The following CMSS1 variants were observed in gnomAD, a reference collection of about 807,000 sequenced individuals.
The protein encoded by CMSS1 is protein CMSS1.
Under a neutral mutation model 43.5 loss-of-function variants are expected in CMSS1, and 33 were observed. The observed-to-expected ratio is 0.76, with a 90% CI of 0.57 to 1.01. The LOEUF (loss-of-function observed/expected upper bound fraction) is 1.01, where lower values mean the gene tolerates loss of function less well. CMSS1 is among the 50% of genes least tolerant of loss of function. CMSS1 has a pLI of 0.00. For synonymous variants in CMSS1, 115 were observed against 117.2 expected (o/e 0.98, Z 0.12); for missense variants, 313 against 326.4 (o/e 0.96, Z 0.32).
intron 1 of CMSS1, among the ~76,000 whole-genome samples, chr3:99,890,812 C>T (rs1472158362): frequency 6.6e-6 from 1 of 151,726 alleles, no homozygotes; most frequent in Non-Finnish European, 1.5e-5. Flanking sequence ...TCTGATTCTG[C>T]CATTTAATGT....
intron 1 of CMSS1, among the ~76,000 whole-genome samples, chr3:99,956,617 G>A (rs1229193590): frequency 6.6e-6 from 1 of 152,212 alleles, no homozygotes; most frequent in Non-Finnish European, 1.5e-5. Context: ...AAAGTGCTGG[G>A]ATTAAAGGCG....
At chr3:99,905,028 T>C (rs182936856) in intron 1 of CMSS1, among the ~76,000 whole-genome samples, 3 of 152,348 alleles carry the variant, frequency 2.0e-5, no homozygotes, top group Non-Finnish European at 1.5e-5. Context: ...TCTGACTTCA[T>C]CCTCTGCCAC....
At chr3:100,053,367 G>A (rs2065406135) in intron 1 of CMSS1, among the ~76,000 whole-genome samples, 1 of 152,210 alleles carries the variant, frequency 6.6e-6, no homozygotes, top group Non-Finnish European at 1.5e-5. Context: ...CTTGCTTTTT[G>A]TAGCTTCTGG....
chr3:99,950,914 G>A (rs1708157861), intron 1 of CMSS1, among the ~76,000 whole-genome samples: 4 of 152,180 alleles, frequency 2.6e-5, no homozygotes, highest in Admixed American at 2.6e-4. Context: ...AGTAGCTGGA[G>A]GGAGGGGAAG....
intron 1 of CMSS1, among the ~76,000 whole-genome samples, chr3:100,049,172 A>G (rs1283497025): frequency 6.6e-6 from 1 of 152,220 alleles, no homozygotes; most frequent in African/African-American, 2.4e-5. Flanking sequence ...ATTTGAAGTT[A>G]TACCTTTGGG....
intron 1 of CMSS1, among the ~76,000 whole-genome samples, chr3:100,014,874 C>CTTTTTTTTTTTT (rs200759774): frequency 1.1e-3 from 32 of 28,188 alleles, no homozygotes; most frequent in Non-Finnish European, 1.6e-3. Flanking sequence ...TTTTTCTTTT[C>CTTTTTTTTTTTT]TTTTTTTTTT....
Position 99,832,071 on chromosome 3 carries a change from C to A in CMSS1, c.64+14028C>A, listed in dbSNP as rs182400405. Among the ~76,000 whole-genome samples, 696 of 152,256 alleles carry A rather than the reference C, an allele frequency of 4.6e-3. 2 individuals are homozygous for A. Among genetic ancestry groups the A allele is most frequent in the South Asian group, 7.1e-3 (34 of 4,822 alleles). ...TGGTGGTCACTGATACTTTCAGGCC[C>A]AGCTGCCTGAAGGTTACTGGGCTCC... On this transcript the variant is annotated intron_variant, in intron 1 of 9. Transcript: ENST00000421999.
chr3:99,968,645 A>G (rs1708725818), intron 1 of CMSS1, among the ~76,000 whole-genome samples: 1 of 152,224 alleles, frequency 6.6e-6, no homozygotes, highest in Admixed American at 6.5e-5. Context: ...AGCCTTGAGT[A>G]ATACAGACAT....
intron 1 of CMSS1, among the ~76,000 whole-genome samples, chr3:99,905,295 T>A (rs1473772283): frequency 1.3e-5 from 2 of 152,184 alleles, no homozygotes; most frequent in African/African-American, 4.8e-5. Context: ...CTGGCCTGAG[T>A]TCCATCTAGT....
intron 1 of CMSS1, among the ~76,000 whole-genome samples, chr3:100,117,854 C>CATATATAT (rs58609128): frequency 6.4e-4 from 58 of 90,740 alleles, no homozygotes; most frequent in South Asian, 2.3e-3. Context: ...TATATATATA[C>CATATATAT]ATATATATAT....
At chr3:100,016,825 C>T (rs1468634044) in intron 1 of CMSS1, among the ~76,000 whole-genome samples, 1 of 152,170 alleles carries the variant, frequency 6.6e-6, no homozygotes, top group Non-Finnish European at 1.5e-5. Context: ...AATAGTGCTT[C>T]TAGGAACAGA....
intron 1 of CMSS1, among the ~76,000 whole-genome samples, chr3:99,937,442 T>C (rs987571425): frequency 6.6e-6 from 1 of 152,214 alleles, no homozygotes; most frequent in Non-Finnish European, 1.5e-5. Context: ...TGCTGTCATA[T>C]TGAAGTGGCA....
At chr3:99,823,153 G>T (rs1942472848) in intron 1 of CMSS1, among the ~76,000 whole-genome samples, 1 of 152,154 alleles carries the variant, frequency 6.6e-6, no homozygotes, top group Admixed American at 6.5e-5. Flanking sequence ...TTATGAAATT[G>T]TGTCTATTAG....
intron 1 of CMSS1, among the ~76,000 whole-genome samples, chr3:99,995,155 G>T (rs1486043403): frequency 6.6e-6 from 1 of 152,170 alleles, no homozygotes; most frequent in South Asian, 2.1e-4. Flanking sequence ...TCAAAAGCAA[G>T]CTAGTTACTT....
intron 1 of CMSS1, among the ~76,000 whole-genome samples, chr3:99,916,734 C>T (rs1173345982): frequency 6.6e-6 from 1 of 152,106 alleles, no homozygotes; most frequent in Non-Finnish European, 1.5e-5. Context: ...GGTCCATGCT[C>T]CACGTTTGTT....
intron 1 of CMSS1, among the ~76,000 whole-genome samples, chr3:99,993,200 G>T (rs1341761575): frequency 6.6e-6 from 1 of 151,930 alleles, no homozygotes; most frequent in Non-Finnish European, 1.5e-5. Flanking sequence ...GGTGAAAAAT[G>T]ACATTGGTGA....
rs866817505 is a variant in CMSS1 at position 99,876,154 on chromosome 3, G to A, written c.64+58111G>A. On this transcript the variant is annotated intron_variant, in intron 1 of 9. Coordinates refer to ENST00000421999, the MANE Select transcript of CMSS1 (RefSeq NM_032359.4). ...GCTGCGAGCCGACTGTGCGCGCTCC[G>A]AGAGTCGCCCGAACAATGCGAGCGG... 9.2e-5 allele frequency: 91 copies of A among 985,976 alleles called. No individual in the cohort carries two copies. In the Admixed American group the frequency reaches 1.8e-3, roughly 19 times the overall value. The allele number at this position is 985,976 out of a possible 1,614,324, so 61.1% of individuals were successfully genotyped here.
intron 1 of CMSS1, among the ~76,000 whole-genome samples, chr3:99,943,029 C>G (rs1292296535): frequency 6.6e-6 from 1 of 152,116 alleles, no homozygotes; most frequent in African/African-American, 2.4e-5. Context: ...CTCATTTTAA[C>G]AACATTACCA....
intron 1 of CMSS1, among the ~76,000 whole-genome samples, chr3:99,902,187 A>G (rs1039758854): frequency 6.6e-6 from 1 of 152,204 alleles, no homozygotes; most frequent in Non-Finnish European, 1.5e-5. Context: ...ACTGACTCTT[A>G]GTATTCGAGA....
Sources: gnomAD v4.1 joint callset for allele counts (sites outside exome capture counted in the v4.1 genomes callset) on GRCh38, gnomAD v4.1.1 for gene constraint, MANE v1.5 for transcripts, NCBI Gene and HGNC (gene_info 2026-07-23, HGNC 2026-07-21) for gene names.